Variants in POU2F1 observed in about 807,000 individuals in gnomAD.
POU2F1 encodes POU domain, class 2, transcription factor 1.
Under a neutral mutation model 84.9 loss-of-function variants are expected in POU2F1, and 16 were observed. That is an observed-to-expected ratio of 0.19 (90% CI 0.13 to 0.29). The LOEUF (loss-of-function observed/expected upper bound fraction) is 0.29, where lower values mean the gene tolerates loss of function less well. Ranked by LOEUF, POU2F1 falls within the 10% of genes least tolerant of loss-of-function variation. POU2F1 has a pLI of 1.00. For missense variants in POU2F1, 738 were observed against 942.6 expected, an observed-to-expected ratio of 0.78 and a Z score of 2.84; for synonymous variants, 368 against 368.3, an observed-to-expected ratio of 1.00 and a Z score of 0.01.
At chr1:167,301,659 A>C (rs940545532) in intron 1 of POU2F1, among the ~76,000 whole-genome samples, 9 of 152,204 alleles carry the variant, frequency 5.9e-5, no homozygotes, top group African/African-American at 1.9e-4. Context: ...GACAGCAAGA[A>C]AGAGCTTGTT....
intron 1 of POU2F1, 128 bp downstream of exon 1, chr1:167,221,086 C>T (rs745862724): frequency 1.9e-4 from 172 of 907,026 alleles, no homozygotes; most frequent in Non-Finnish European, 2.5e-4. Flanking sequence ...AGATGGGGGG[C>T]CGGGGAGCAT....
At chr1:167,320,447 T>C in intron 1 of POU2F1, among the ~76,000 whole-genome samples, 1 of 152,230 alleles carries the variant, frequency 6.6e-6, no homozygotes, top group East Asian at 1.9e-4. Context: ...GTTTTCGTTT[T>C]AGGAAAATGG....
chr1:167,338,903 G>A (rs1053919219), intron 2 of POU2F1, among the ~76,000 whole-genome samples: 1 of 152,072 alleles, frequency 6.6e-6, no homozygotes, highest in Admixed American at 6.6e-5. Context: ...TTTGAGTTCC[G>A]TTTTTCAATT....
At chr1:167,263,199 A>G (rs977923271) in intron 1 of POU2F1, among the ~76,000 whole-genome samples, 4 of 152,192 alleles carry the variant, frequency 2.6e-5, no homozygotes, top group East Asian at 3.8e-4. Flanking sequence ...GTAAGAAAAG[A>G]TATGTTTTTG....
At chr1:167,323,029 G>T (rs1213239817) in intron 1 of POU2F1, among the ~76,000 whole-genome samples, 1 of 152,160 alleles carries the variant, frequency 6.6e-6, no homozygotes, top group Admixed American at 6.5e-5. Context: ...TTTGTTTATG[G>T]CCATTTTGGG....
At chr1:167,372,188 G>A in intron 5 of POU2F1, 152 bp downstream of exon 5, 1 of 945,072 alleles carries the variant, frequency 1.1e-6, no homozygotes, top group Non-Finnish European at 1.5e-6. Context: ...ACTGTAGGTA[G>A]TAAGTTGCTC....
intron 2 of POU2F1, among the ~76,000 whole-genome samples, chr1:167,336,695 A>G (rs1657477846): frequency 6.6e-6 from 1 of 152,236 alleles, no homozygotes; most frequent in Non-Finnish European, 1.5e-5. Flanking sequence ...ACCAGCAGAC[A>G]TGAAAAACTT....
chr1:167,276,010 A>G (rs974974050), intron 1 of POU2F1, among the ~76,000 whole-genome samples: 1 of 152,222 alleles, frequency 6.6e-6, no homozygotes, highest in Non-Finnish European at 1.5e-5. Flanking sequence ...TATTTAGCTT[A>G]TACTAGAAGA....
At chr1:167,285,130 TTAGG>T in intron 1 of POU2F1, among the ~76,000 whole-genome samples, 1 of 152,240 alleles carries the variant, frequency 6.6e-6, no homozygotes, top group South Asian at 2.1e-4. Context: ...AGCATTTGTA[TTAGG>T]ACAATCAGCC....
intron 1 of POU2F1, among the ~76,000 whole-genome samples, chr1:167,246,982 G>A (rs1225530489): frequency 2.0e-5 from 3 of 151,830 alleles, no homozygotes; most frequent in Admixed American, 6.6e-5. Flanking sequence ...TATGAACCAC[G>A]TGCTATAGAG....
At chr1:167,312,311 C>T (rs564426829) in intron 1 of POU2F1, among the ~76,000 whole-genome samples, 4 of 151,702 alleles carry the variant, frequency 2.6e-5, no homozygotes, top group Non-Finnish European at 5.9e-5. Flanking sequence ...CTCAGCTCAC[C>T]GCAACCTCCA....
intron 2 of POU2F1, among the ~76,000 whole-genome samples, chr1:167,339,660 TTA>T (rs1557906876): frequency 6.6e-6 from 1 of 152,226 alleles, no homozygotes; most frequent in East Asian, 1.9e-4. Context: ...CTTTCTAGTG[TTA>T]TCTGTTCTCT....
intron 1 of POU2F1, among the ~76,000 whole-genome samples, chr1:167,296,185 C>T (rs1557875399): frequency 6.6e-6 from 1 of 152,136 alleles, no homozygotes; most frequent in African/African-American, 2.4e-5. Context: ...GAGCTAAACT[C>T]AGGCCAAATG....
intron 2 of POU2F1, among the ~76,000 whole-genome samples, chr1:167,334,336 A>G (rs1657284965): frequency 6.6e-6 from 1 of 151,574 alleles, no homozygotes; most frequent in African/African-American, 2.4e-5. Flanking sequence ...AATTTTTTGT[A>G]TTTTTAGTAG....
intron 1 of POU2F1, among the ~76,000 whole-genome samples, chr1:167,227,883 A>G (rs1433399551): frequency 1.3e-5 from 2 of 152,248 alleles, no homozygotes; most frequent in African/African-American, 4.8e-5. Flanking sequence ...TATAGCTGGA[A>G]GGTAATTTAG....
chr1:167,398,096 C>G lies in POU2F1; in HGVS notation c.1232C>G (p.Thr411Ser). The G allele has an allele frequency of 6.2e-7, 1 of 1,614,088 alleles. No homozygotes were observed. ...AGGAAGAAACGCACCAGCATAGAGA[C>G]CAACATCCGTGTGGCCTTAGAGAAG... ...RRRKKRTSIE[T>S]NIRVALEKSF... Residue 411 changes from threonine (T) to serine (S), a missense_variant, in exon 11 of 16, where the codon ACC becomes AGC. Thr to Ser is a moderately conservative substitution (Grantham distance 58). Around this residue, in one of 4 missense-constraint regions of POU2F1, gnomAD observed 95 missense variants for 195.1 expected, o/e 0.49. Transcript: ENST00000367866.
intron 9 of POU2F1, among the ~76,000 whole-genome samples, chr1:167,393,185 G>A (rs1042703868): frequency 8.6e-5 from 13 of 151,866 alleles, no homozygotes; most frequent in African/African-American, 2.7e-4. Flanking sequence ...TATATGAATC[G>A]ACTACTTAAA....
At chr1:167,225,785 ATAT>A (rs1648584645) in intron 1 of POU2F1, among the ~76,000 whole-genome samples, 1 of 152,116 alleles carries the variant, frequency 6.6e-6, no homozygotes, top group Non-Finnish European at 1.5e-5. Context: ...GAAGACTGTA[ATAT>A]TATGTAGTAG....
intron 1 of POU2F1, among the ~76,000 whole-genome samples, chr1:167,253,307 A>T (rs893855873): frequency 1.3e-5 from 2 of 148,708 alleles, no homozygotes; most frequent in Non-Finnish European, 2.9e-5. Context: ...TCCTGTAATC[A>T]TTTACTAACT....
Sources: allele counts gnomAD v4.1 joint callset (sites outside exome capture counted in the v4.1 genomes callset), GRCh38; gene constraint gnomAD v4.1.1; regional missense constraint gnomAD v4.1.1; transcripts MANE v1.5; gene names NCBI Gene and HGNC (gene_info 2026-07-23, HGNC 2026-07-21).